The following ADAMTS13 variants were observed in gnomAD, a reference collection of about 807,000 sequenced individuals.
ADAMTS13 encodes A disintegrin and metalloproteinase with thrombospondin motifs 13.
ADAMTS13 carries 110 observed loss-of-function variants against 155.1 expected under a neutral mutation model. The ratio of observed to expected loss-of-function variants is 0.71; its 90% confidence interval spans 0.61 to 0.83. ADAMTS13 has a LOEUF of 0.83. ADAMTS13 is among the 40% of genes least tolerant of loss of function. The pLI is 0.00. For synonymous variants in ADAMTS13, 758 were observed against 756.4 expected, an observed-to-expected ratio of 1.00 and a Z score of -0.03; for missense variants, 1,707 against 1,891.7, an observed-to-expected ratio of 0.90 and a Z score of 1.81.
At chr9:133,429,585 G>C in intron 7 of ADAMTS13, 1 of 162,904 alleles carries the variant, frequency 6.1e-6, no homozygotes, top group South Asian at 5.2e-5. Context: ...CACTCTCCAC[G>C]CTCCATCAGT....
chr9:133,456,991 C>T lies in ADAMTS13; in HGVS notation c.3724+272C>T, dbSNP rs782148244. On this transcript the variant is annotated intron_variant, in intron 27 of 28. Coordinates refer to ENST00000355699, the MANE Select transcript of ADAMTS13 (RefSeq NM_139027.6). This position sits in a 1 kb window ranked among gnomAD's most constrained non-coding sequence, Gnocchi z 4.4. ...CACATCCTCAGTCAGTCCCTCAGGC[C>T]TCTGCCCCACACCCACCTGCCCCGC... is the stretch of plus-strand genomic sequence containing the variant. 1.1e-4 allele frequency: 66 copies of T among 574,066 alleles called. No homozygotes were observed. Among genetic ancestry groups the T allele is most frequent in the Non-Finnish European group, 1.9e-4 (60 of 309,084 alleles). 35.6% of individuals were successfully genotyped at this position (574,066 alleles called of 1,614,324 possible).
rs1554786708 is a variant in ADAMTS13, at chr9:133,429,978, T to C, written c.864T>C (p.Pro288=). The C allele has an allele frequency of 1.9e-6, 3 of 1,548,626 alleles. No homozygotes were observed. Among genetic ancestry groups the C allele is most frequent in the Non-Finnish European group, 2.6e-6 (3 of 1,151,754 alleles). ...RARCVWDPPR[P]QPGSAGHPPD... ...GCTGCGTGTGGGACCCGCCGCGGCC[T>C]CAACCCGGGTCCGCGGGGCACCCGC... The change falls in exon 8 of 29, where the codon CCT becomes CCC. Residue 288 remains proline, a synonymous_variant. Coordinates refer to ENST00000355699, the MANE Select transcript of ADAMTS13 (RefSeq NM_139027.6).
chr9:133,435,869 C>T (rs587613117), intron 11 of ADAMTS13, among the ~76,000 whole-genome samples: 67 of 152,206 alleles, frequency 4.4e-4, no homozygotes, highest in Middle Eastern at 3.4e-3. Flanking sequence ...CCGTTTTCCA[C>T]AGTGCCTGAA....
rs782818563 is a variant in ADAMTS13 at position 133,430,016 on chromosome 9, C to G, written c.902C>G (p.Pro301Arg). 8 of 1,586,980 alleles carry G rather than the reference C, an allele frequency of 5.0e-6. No homozygotes were observed. The East Asian group carries it at 1.8e-4, about 36-fold the overall frequency. The change falls in exon 8 of 29, where the codon CCT becomes CGT. Residue 301 changes from proline to arginine, a missense_variant. By Grantham distance (103) the Pro-to-Arg change is moderately radical (BLOSUM62 -2). This residue lies in a region of ADAMTS13 where 733 missense variants were observed against 749.6 expected (regional missense o/e 0.98). Coordinates refer to ENST00000355699, the MANE Select transcript of ADAMTS13 (RefSeq NM_139027.6). ...GSAGHPPDAQ[P>R]GLYYSANEQC... ...GCGGGGCACCCGCCGGATGCGCAGC[C>G]TGGCCTCTACTACAGCGCCAACGAG...
At chr9:133,443,222 C>T (rs1007258877) in intron 18 of ADAMTS13, among the ~76,000 whole-genome samples, 154 bp from the exon 19 acceptor site, 5 of 152,184 alleles carry the variant, frequency 3.3e-5, no homozygotes, top group Admixed American at 6.5e-5. Context: ...CAGGCTCAGC[C>T]GTCTGGCAGC....
In ADAMTS13 at chr9:133,424,006, T is replaced by C. The variant is rs1840113915; in HGVS notation, c.173-315T>C. ...TTCCTGTCGGGGTCCATGATGTTAC[T>C]TGTGAAACACCTGTGCCCAGAGCAG... On this transcript the variant is annotated intron_variant, in intron 2 of 28. Coordinates refer to ENST00000355699, the MANE Select transcript of ADAMTS13 (RefSeq NM_139027.6). The surrounding 1 kb of genome is among the most constrained non-coding windows in gnomAD (Gnocchi z 4.3). Among the ~76,000 whole-genome samples, 1 of 152,226 alleles carries C rather than the reference T, an allele frequency of 6.6e-6. No individual in the cohort carries two copies. The highest frequency in any genetic ancestry group is 1.9e-4 in the East Asian group (1 of 5,194).
upstream of ADAMTS13, among the ~76,000 whole-genome samples, chr9:133,419,739 T>C (rs1362726439): frequency 1.3e-5 from 2 of 151,400 alleles, no homozygotes; most frequent in Non-Finnish European, 2.9e-5. Flanking sequence ...AAGGGTTTTC[T>C]TTTTTTTTGT....
chr9:133,433,153 G>T (rs1554787977), intron 9 of ADAMTS13, among the ~76,000 whole-genome samples: 1 of 145,450 alleles, frequency 6.9e-6, no homozygotes, highest in East Asian at 2.1e-4. Flanking sequence ...GGATCCATGT[G>T]GCTGGGGTAC....
upstream of ADAMTS13, chr9:133,417,576 G>T: frequency 6.3e-7 from 1 of 1,592,026 alleles, no homozygotes; most frequent in Non-Finnish European, 8.6e-7. Flanking sequence ...CGTTCTGCGG[G>T]AATGAGCTGC....
At position 133,445,752 on chromosome 9, in the gene ADAMTS13, G is replaced by A; in HGVS notation, c.2664G>A (p.Arg888=). The A allele has an allele frequency of 6.2e-7, 1 of 1,611,102 alleles. No individual in the cohort carries two copies. Among genetic ancestry groups the A allele is most frequent in the Non-Finnish European group, 8.5e-7 (1 of 1,178,416 alleles). ...EKAPSPWGSI[R]TGAQAAHVWT... is the part of the protein sequence containing the mutation. Reference sequence around the variant, plus strand: ...CTCCCTCCCCATGGGGCAGCATCAGGACGGGGGCTCAAGCTGCACACGTGT... The same window carrying A: ...CTCCCTCCCCATGGGGCAGCATCAGAACGGGGGCTCAAGCTGCACACGTGT... The change falls in exon 21 of 29, where the codon AGG becomes AGA. Residue 888 remains arginine (R), a synonymous_variant. Coordinates refer to ENST00000355699, the MANE Select transcript of ADAMTS13 (RefSeq NM_139027.6). The surrounding 1 kb of genome is among the most constrained non-coding windows in gnomAD (Gnocchi z 5.0).
chr9:133,440,296 G>T lies in ADAMTS13; in HGVS notation c.1787-48G>T. On this transcript the variant is annotated intron_variant, in intron 15 of 28. Transcript: ENST00000355699. The surrounding 1 kb of genome is among the most constrained non-coding windows in gnomAD (Gnocchi z 4.3). ...AGTCACTGACATGTGCCTGTGAGGA[G>T]GATGGGTGCTCAGCTCCACACAGCT... The T allele has an allele frequency of 6.2e-7, 1 of 1,611,674 alleles. No individual in the cohort carries two copies. The highest frequency in any genetic ancestry group is 1.1e-5 in the South Asian group (1 of 91,048).
At chr9:133,453,047 T>C (rs1246921201) in intron 23 of ADAMTS13, among the ~76,000 whole-genome samples, 1 of 152,054 alleles carries the variant, frequency 6.6e-6, no homozygotes, top group Non-Finnish European at 1.5e-5. Context: ...TGTGACGCTC[T>C]GCTTGGCACT....
In ADAMTS13 at chr9:133,443,444, G is replaced by A. The variant is rs369510827; in HGVS notation, c.2303G>A (p.Arg768His). 62 of 1,593,556 alleles carry A rather than the reference G, an allele frequency of 3.9e-5. No homozygotes were observed. In the African/African-American group the frequency reaches 4.4e-4, roughly 11 times the overall value. ...CGGGLRERPVRCVEAQGSLLK... is the reference protein window; with the variant it reads ...CGGGLRERPVHCVEAQGSLLK... ...GGTGGCCTGCGGGAGCGGCCAGTGC[G>A]CTGCGTGGAGGCCCAGGGCAGCCTC... is the stretch of plus-strand genomic sequence containing the variant. Residue 768 changes from arginine to histidine, a missense_variant, in exon 19 of 29, where the codon CGC becomes CAC. Coordinates refer to ENST00000355699, the MANE Select transcript of ADAMTS13 (RefSeq NM_139027.6).
chr9:133,446,284 C>T (rs782435653), intron 21 of ADAMTS13, among the ~76,000 whole-genome samples: 2 of 152,328 alleles, frequency 1.3e-5, no homozygotes, highest in Non-Finnish European at 2.9e-5. Context: ...CCAACCTCTC[C>T]AGAACTTTTC....
intron 6 of ADAMTS13, among the ~76,000 whole-genome samples, chr9:133,427,811 AC>A (rs1177893842): frequency 6.6e-6 from 1 of 151,946 alleles, no homozygotes; most frequent in East Asian, 1.9e-4. Flanking sequence ...CCTAGTTAAT[AC>A]CCACTTCTAA....
intron 23 of ADAMTS13, among the ~76,000 whole-genome samples, chr9:133,450,804 A>AGCC (rs1554794156): frequency 6.6e-6 from 1 of 152,198 alleles, no homozygotes; most frequent in Non-Finnish European, 1.5e-5. Context: ...GTGGCCCAAG[A>AGCC]GCCAGTCTGT....
exon 1 of ADAMTS13, chr9:133,414,592 G>A (rs782535307): frequency 9.0e-5 from 121 of 1,349,604 alleles, no homozygotes; most frequent in Non-Finnish European, 1.2e-4. Flanking sequence ...GAGGCCACCA[G>A]CCTCCATAAG....
At position 133,448,620 on chromosome 9, in the gene ADAMTS13, T is replaced by C; in HGVS notation, c.2753T>C (p.Leu918Pro). ...GCAGGTCTGATGGAGCTGCGTTTCC[T>C]GTGCATGGACTCTGCCCTCAGGGTG... The part of the protein sequence containing the change: ...CGRGLMELRF[L>P]CMDSALRVPV... The change falls in exon 22 of 29, where the codon CTG becomes CCG. Residue 918 changes from leucine to proline, a missense_variant. Physicochemically the swap from Leu to Pro is moderately conservative, Grantham distance 98. Coordinates refer to ENST00000355699, the MANE Select transcript of ADAMTS13 (RefSeq NM_139027.6). 1 of 1,610,566 alleles carries C rather than the reference T, an allele frequency of 6.2e-7. No individual in the cohort carries two copies. The highest frequency in any genetic ancestry group is 8.5e-7 in the Non-Finnish European group (1 of 1,179,958).
intron 6 of ADAMTS13, among the ~76,000 whole-genome samples, chr9:133,428,215 T>C (rs1554785702): frequency 6.6e-6 from 1 of 152,236 alleles, no homozygotes; most frequent in African/African-American, 2.4e-5. Context: ...TAACTGAACT[T>C]TAAAATCGTG....
Sources: allele counts gnomAD v4.1 joint callset (sites outside exome capture counted in the v4.1 genomes callset), GRCh38; gene constraint gnomAD v4.1.1; regional missense constraint gnomAD v4.1.1; non-coding constraint Gnocchi (gnomAD v3.1); transcripts MANE v1.5; gene names NCBI Gene and HGNC (gene_info 2026-07-23, HGNC 2026-07-21).